DNAL1: variants seen among roughly 807,000 people sequenced by gnomAD.
DNAL1 encodes the protein chromosome 14 open reading frame 168.
DNAL1 carries 17 observed loss-of-function variants against 29.4 expected under a neutral mutation model. The observed-to-expected ratio is 0.58, with a 90% CI of 0.40 to 0.87. The LOEUF is 0.87. Ranked by LOEUF, DNAL1 falls within the 40% of genes least tolerant of loss-of-function variation. The pLI is 0.00. For synonymous variants in DNAL1, 78 were observed against 76.3 expected (o/e 1.02, Z -0.12); for missense variants, 188 against 214.1 (o/e 0.88, Z 0.76).
At chr14:73,648,138 C>G (rs113353067) in intron 1 of DNAL1, among the ~76,000 whole-genome samples, 1 of 151,502 alleles carries the variant, frequency 6.6e-6, no homozygotes, top group East Asian at 1.9e-4. Flanking sequence ...CCACCACGCC[C>G]GGCTAATTTT....
chr14:73,686,887 G>C (rs1311164117), intron 5 of DNAL1, among the ~76,000 whole-genome samples: 4 of 151,902 alleles, frequency 2.6e-5, no homozygotes, highest in Non-Finnish European at 4.4e-5. Flanking sequence ...GATGTTCTAA[G>C]GACCAAATAA....
In DNAL1 at chr14:73,671,572, A is replaced by T; in HGVS notation, c.239A>T (p.Asn80Ile). ...KNLRILSLGRNNIKNLNGLEA... is the reference protein window; with the variant it reads ...KNLRILSLGRINIKNLNGLEA... ...TTGAGGATATTATCTTTAGGAAGAA[A>T]CAACATAAAGAACTTAAATGGACTG... The change falls in exon 5 of 8, where the codon AAC (asparagine) becomes ATC (isoleucine). Residue 80 changes from asparagine (N) to isoleucine (I), a missense_variant. Transcript: ENST00000553645. 1 of 1,494,082 alleles carries T rather than the reference A, an allele frequency of 6.7e-7. No individual in the cohort carries two copies. The highest frequency in any genetic ancestry group is 9.0e-7 in the Non-Finnish European group (1 of 1,116,646). 92.6% of individuals were successfully genotyped at this position (1,494,082 alleles called of 1,614,324 possible).
In DNAL1 at chr14:73,698,050, A is replaced by G. The variant is rs1156698554; in HGVS notation, c.*2108A>G. ...TAAAAGTAACCCTGGAAGTGAATAT[A>G]ATAGGAAGTAAGTGATTTCATATTG... On this transcript the variant is annotated 3_prime_UTR_variant, in exon 8 of 8. Transcript: ENST00000553645. 6.6e-6 allele frequency: 1 copy of G among 152,212 alleles called. No individual in the cohort carries two copies. Among genetic ancestry groups the G allele is most frequent in the Non-Finnish European group, 1.5e-5 (1 of 68,042 alleles). The allele number at this position is 152,212 out of a possible 1,614,324, so 9.4% of individuals were successfully genotyped here.
intron 7 of DNAL1, among the ~76,000 whole-genome samples, chr14:73,694,792 C>T (rs1176331591): frequency 6.6e-6 from 1 of 150,908 alleles, no homozygotes; most frequent in East Asian, 2.0e-4. Flanking sequence ...CGGGTTCAAG[C>T]GATTCTCCTG....
At chr14:73,692,679 C>T (rs1892203324) in intron 7 of DNAL1, among the ~76,000 whole-genome samples, 1 of 151,890 alleles carries the variant, frequency 6.6e-6, no homozygotes, top group East Asian at 1.9e-4. Flanking sequence ...ACATTATGGC[C>T]TTTTGGACCA....
intron 6 of DNAL1, among the ~76,000 whole-genome samples, chr14:73,687,766 G>C (rs1040295378): frequency 2.0e-5 from 3 of 151,908 alleles, no homozygotes; most frequent in Admixed American, 6.6e-5. Flanking sequence ...CCAGCTACTC[G>C]GGAGGCTGAG....
intron 7 of DNAL1, among the ~76,000 whole-genome samples, chr14:73,693,126 G>A (rs961449050): frequency 1.3e-5 from 2 of 152,100 alleles, no homozygotes; most frequent in African/African-American, 4.8e-5. Context: ...GAGCCACCGC[G>A]CCCAGCCTAA....
chr14:73,671,123 T>TC (rs2061916193), intron 4 of DNAL1, among the ~76,000 whole-genome samples: 1 of 152,322 alleles, frequency 6.6e-6, no homozygotes, highest in African/African-American at 2.4e-5. Flanking sequence ...TTATTTTTTT[T>TC]CACTTCTGAT....
In DNAL1 at chr14:73,671,596, TG is replaced by T; in HGVS notation, c.264+1del. ...AACAACATAAAGAACTTAAATGGAC[TG>T]GTAGGTTGTTATTTATTATTATTTT... Reference protein sequence around the residue: ...GRNNIKNLNGLEAVGDTLEEL... With the variant: ...GRNNIKNLNGXEAVGDTLEEL... On this transcript the variant is annotated frameshift_variant and splice_region_variant, in exon 5 of 8. Transcript: ENST00000553645. LOFTEE classifies it high-confidence loss of function. 6.8e-7 allele frequency: 1 copy of T among 1,467,288 alleles called. No homozygotes were observed. Among genetic ancestry groups the T allele is most frequent in the Non-Finnish European group, 9.1e-7 (1 of 1,101,608 alleles). The allele number at this position is 1,467,288 out of a possible 1,614,324, so 90.9% of individuals were successfully genotyped here. A position where few individuals can be genotyped will look rare whatever the true frequency, so the allele number is the denominator to read the frequency against.
Position 73,696,101 on chromosome 14 carries a change from AGT to A in DNAL1, c.*162_*163del, listed in dbSNP as rs1464142190. ...TCTTTTTTTTTCCTTTAACTTATTC[AGT>A]GTTTCTCCCCAAAACTGGTAATGCC... On this transcript the variant is annotated 3_prime_UTR_variant, in exon 8 of 8. Transcript: ENST00000553645. 1 of 689,090 alleles carries A rather than the reference AGT, an allele frequency of 1.5e-6. No homozygotes were observed. Among genetic ancestry groups the A allele is most frequent in the African/African-American group, 1.9e-5 (1 of 54,018 alleles). 42.7% of individuals were successfully genotyped at this position (689,090 alleles called of 1,614,324 possible). A position where few individuals can be genotyped will look rare whatever the true frequency, so the allele number is the denominator to read the frequency against.
At chr14:73,670,060 T>C (rs1232907606) in intron 4 of DNAL1, among the ~76,000 whole-genome samples, 1 of 152,218 alleles carries the variant, frequency 6.6e-6, no homozygotes, top group African/African-American at 2.4e-5. Flanking sequence ...CTGAATATTT[T>C]AGGTAATTAT....
intron 7 of DNAL1, among the ~76,000 whole-genome samples, chr14:73,691,846 A>AACC (rs1892178888): frequency 9.7e-6 from 1 of 102,924 alleles, no homozygotes; most frequent in African/African-American, 4.2e-5. Context: ...GGCGTGCGCC[A>AACC]CCCCCCCCCC....
Position 73,656,498 on chromosome 14 carries a change from A to G in DNAL1, c.42+1613A>G, listed in dbSNP as rs892682546. Among the ~76,000 whole-genome samples the G allele has an allele frequency of 3.3e-5, 5 of 151,584 alleles. No individual in the cohort carries two copies. In the South Asian group the frequency reaches 6.3e-4, roughly 19 times the overall value. ...ACCCAGGCTGGAGTGCAGTGGCACAATCATAGCTCACTGCAGCCTCAGTGT... is the reference window on the plus strand; with the variant it reads ...ACCCAGGCTGGAGTGCAGTGGCACAGTCATAGCTCACTGCAGCCTCAGTGT... On this transcript the variant is annotated intron_variant, in intron 2 of 7. Transcript: ENST00000553645.
At chr14:73,692,653 T>C (rs1892202938) in intron 7 of DNAL1, among the ~76,000 whole-genome samples, 3 of 151,774 alleles carry the variant, frequency 2.0e-5, no homozygotes, top group African/African-American at 7.3e-5. Flanking sequence ...AATGTAGAAC[T>C]TGAATAGACA....
rs116259924 is a variant in DNAL1 at position 73,701,260 on chromosome 14, C to G, written c.*5318C>G. The G allele has an allele frequency of 6.6e-6, 1 of 152,178 alleles. No individual in the cohort carries two copies. Among genetic ancestry groups the G allele is most frequent in the African/African-American group, 2.4e-5 (1 of 41,446 alleles). 9.4% of individuals were successfully genotyped at this position (152,178 alleles called of 1,614,324 possible). A position where few individuals can be genotyped will look rare whatever the true frequency, so the allele number is the denominator to read the frequency against. On this transcript the variant is annotated 3_prime_UTR_variant, in exon 8 of 8. Transcript: ENST00000553645. ...TTTTTCAGTAGATTTGCACTTTAAA[C>G]TTAGGAACTGGATGTTGGTGGAAAG...
chr14:73,656,459 T>C (rs1316461803), intron 2 of DNAL1, among the ~76,000 whole-genome samples: 1 of 149,080 alleles, frequency 6.7e-6, no homozygotes, highest in African/African-American at 2.5e-5. Context: ...TTTGAGACAG[T>C]GTCTCGCTCT....
intron 4 of DNAL1, among the ~76,000 whole-genome samples, chr14:73,664,109 TG>T (rs1430945970): frequency 6.6e-6 from 1 of 152,232 alleles, no homozygotes; most frequent in Non-Finnish European, 1.5e-5. Context: ...AAGAAGAATC[TG>T]TGCTGGACCC....
intron 5 of DNAL1, among the ~76,000 whole-genome samples, chr14:73,674,613 C>T (rs114948986): frequency 2.0e-5 from 3 of 152,200 alleles, no homozygotes; most frequent in South Asian, 2.1e-4. Flanking sequence ...ACAATCACAG[C>T]TCATTGCAAC....
rs1467335027 is a variant in DNAL1 at position 73,698,439 on chromosome 14, C to T, written c.*2497C>T. ...ATGCCTCTTGGATCAGATATTTGAC[C>T]TATGTGGAATAGATTATCTCTGTGC... On this transcript the variant is annotated 3_prime_UTR_variant, in exon 8 of 8. Coordinates refer to ENST00000553645, the MANE Select transcript of DNAL1 (RefSeq NM_031427.4). 6.6e-6 allele frequency: 1 copy of T among 152,112 alleles called. No individual in the cohort carries two copies. The highest frequency in any genetic ancestry group is 1.5e-5 in the Non-Finnish European group (1 of 68,016). The allele number at this position is 152,112 out of a possible 1,614,324, so 9.4% of individuals were successfully genotyped here.
Sources: gnomAD v4.1 joint callset for allele counts (sites outside exome capture counted in the v4.1 genomes callset) on GRCh38, gnomAD v4.1.1 for gene constraint, MANE v1.5 for transcripts, NCBI Gene and HGNC (gene_info 2026-07-23, HGNC 2026-07-21) for gene names.